COL5A3: variants seen among roughly 807,000 people sequenced by gnomAD.
COL5A3 encodes the protein collagen alpha-3(V) chain.
A neutral mutation model predicts 250.0 loss-of-function variants in COL5A3; 172 were observed. The ratio of observed to expected loss-of-function variants is 0.69; its 90% CI spans 0.61 to 0.78. The LOEUF is 0.78. Ranked by LOEUF, COL5A3 falls within the 30% of genes least tolerant of loss-of-function variation. COL5A3 has a pLI of 0.00. For missense variants in COL5A3, 2,340 were observed against 2,334.4 expected (o/e 1.00, Z -0.05); for synonymous variants, 937 against 900.4 (o/e 1.04, Z -0.73).
At position 10,004,115 on chromosome 19, in the gene COL5A3, C is replaced by A. The variant is rs748836815; in HGVS notation, c.625G>T (p.Asp209Tyr). ...GDIQELLISP[D>Y]PQAAFQACER... ...CAAGCCTGGAAGGCAGCCTGAGGAT[C>A]TGGGCTTATCAGCAGCTCCTGAATG... The change falls in exon 5 of 67, where the codon GAT (aspartate) becomes TAT (tyrosine). Residue 209 changes from aspartate to tyrosine, a missense_variant. By Grantham distance (160) the Asp-to-Tyr change is radical. Around this residue, in one of 3 missense-constraint regions of COL5A3, gnomAD observed 1,152 missense variants for 1,146.3 expected, o/e 1.00. Coordinates refer to ENST00000264828, the MANE Select transcript of COL5A3 (RefSeq NM_015719.4). The A allele has an allele frequency of 1.2e-6, 2 of 1,614,018 alleles. No homozygotes were observed. The highest frequency in any genetic ancestry group is 1.1e-5 in the South Asian group (1 of 91,084).
intron 31 of COL5A3, 82 bp downstream of exon 31, chr19:9,985,760 C>T: frequency 7.4e-7 from 1 of 1,349,290 alleles, no homozygotes; most frequent in South Asian, 1.2e-5. Context: ...GCTCATCCCC[C>T]AAGACCACAG....
intron 6 of COL5A3, 114 bp from the exon 7 acceptor site, chr19:10,001,995 G>T (rs2087370667): frequency 1.4e-6 from 1 of 712,398 alleles, no homozygotes; most frequent in East Asian, 2.6e-5. Context: ...GACAGAGGAG[G>T]CTCCCCAAAG....
At chr19:10,006,996 T>G (rs114889808) in intron 1 of COL5A3, among the ~76,000 whole-genome samples, 1 of 151,228 alleles carries the variant, frequency 6.6e-6, no homozygotes, top group Non-Finnish European at 1.5e-5. Context: ...ACCTCCTCCC[T>G]CTGAATGTCT....
At chr19:10,000,484 A>G (rs1181121240) in intron 8 of COL5A3, among the ~76,000 whole-genome samples, 2 of 74,148 alleles carry the variant, frequency 2.7e-5, no homozygotes, top group Non-Finnish European at 5.8e-5. Flanking sequence ...TTTTTTTTTA[A>G]GAGATGGGTC....
rs2087503185 is a variant in COL5A3, at chr19:10,009,943, CCCTGT to C, written c.88+350_88+354del. ...CGCAATACACACCGTCCCAGCACTGCCCTGTCACTCACAGTCACACTATCACCATC... is the reference window on the plus strand; with the variant it reads ...CGCAATACACACCGTCCCAGCACTGCCACTCACAGTCACACTATCACCATC... On this transcript the variant is annotated intron_variant, in intron 1 of 66. Coordinates refer to ENST00000264828, the MANE Select transcript of COL5A3 (RefSeq NM_015719.4). The surrounding 1 kb of genome is among the most constrained non-coding windows in gnomAD (Gnocchi z 4.4). Among the ~76,000 whole-genome samples the C allele has an allele frequency of 6.6e-6, 1 of 152,174 alleles. No homozygotes were observed. The highest frequency in any genetic ancestry group is 1.5e-5 in the Non-Finnish European group (1 of 68,042).
Position 10,010,457 on chromosome 19 carries a change from G to T in COL5A3, c.-72C>A, listed in dbSNP as rs1477257241. On this transcript the variant is annotated 5_prime_UTR_variant, in exon 1 of 67. Coordinates refer to ENST00000264828, the MANE Select transcript of COL5A3 (RefSeq NM_015719.4). ...CGGGGCGCGGCGACTTCTCGGGCTC[G>T]GTGCAGTCACTCGCGGCGGCCGCTC... 5.8e-6 allele frequency: 6 copies of T among 1,037,536 alleles called. No individual in the cohort carries two copies. The highest frequency in any genetic ancestry group is 3.4e-5 in the African/African-American group (2 of 59,564). 64.3% of individuals were successfully genotyped at this position (1,037,536 alleles called of 1,614,324 possible).
In COL5A3 at chr19:9,966,522, G is replaced by C. The variant is rs1050245430; in HGVS notation, c.4669+14C>G. 1 of 1,539,442 alleles carries C rather than the reference G, an allele frequency of 6.5e-7. No individual in the cohort carries two copies. Among genetic ancestry groups the C allele is most frequent in the African/African-American group, 1.4e-5 (1 of 73,008 alleles). ...CACTCCGCCCATCCAAGTGGCGGGG[G>C]GACCGGACCTCACCATCAGGCAGGT... On this transcript the variant is annotated intron_variant, in intron 63 of 66. Transcript: ENST00000264828.
At chr19:9,996,027 T>C (rs755980521) in intron 15 of COL5A3, 39 bp downstream of exon 15, 1 of 1,506,244 alleles carries the variant, frequency 6.6e-7, no homozygotes, top group Non-Finnish European at 8.9e-7. Flanking sequence ...GGGGGAAGGC[T>C]ATTCCCATCC....
chr19:9,991,587 C>T (rs545166851), intron 24 of COL5A3, 23 bp downstream of exon 24: 19 of 1,567,870 alleles, frequency 1.2e-5, no homozygotes, highest in African/African-American at 5.4e-5. Flanking sequence ...GAGGAGGTCG[C>T]GGTAGGTGGA....
At chr19:9,993,271 C>T (rs2087221302) in intron 19 of COL5A3, 109 bp downstream of exon 19, 8 of 1,295,862 alleles carry the variant, frequency 6.2e-6, no homozygotes, top group Non-Finnish European at 8.9e-6. Context: ...CACAATTTGT[C>T]CCTAGCTCTC....
rs2086796732 is a variant in COL5A3, at chr19:9,969,410, T to C, written c.4099-8A>G. 3 of 1,607,058 alleles carry C rather than the reference T, an allele frequency of 1.9e-6. No individual in the cohort carries two copies. Among genetic ancestry groups the C allele is most frequent in the East Asian group, 2.2e-5 (1 of 44,768 alleles). ...CAGGAGGCCTGGTTCACCCTGAGAA[T>C]GGAACAGAACATGGGGTGGGCTGCA... On this transcript the variant is annotated splice_region_variant and splice_polypyrimidine_tract_variant and intron_variant, in intron 56 of 66. Transcript: ENST00000264828.
chr19:9,968,926 C>A lies in COL5A3; in HGVS notation c.4153-198G>T. ...GAGGGGTTGACTGGAGGATGGACAA[C>A]GTGAGTGGTCAGTGGCCAAGGTCAG... is the stretch of plus-strand genomic sequence containing the variant. On this transcript the variant is annotated intron_variant, in intron 57 of 66. Transcript: ENST00000264828. The surrounding 1 kb of genome is among the most constrained non-coding windows in gnomAD (Gnocchi z 4.1). 1 of 638,136 alleles carries A rather than the reference C, an allele frequency of 1.6e-6. No homozygotes were observed. The highest frequency in any genetic ancestry group is 1.8e-5 in the South Asian group (1 of 54,530). The allele number at this position is 638,136 out of a possible 1,614,324, so 39.5% of individuals were successfully genotyped here. A position where few individuals can be genotyped will look rare whatever the true frequency, so the allele number is the denominator to read the frequency against.
chr19:9,970,669 G>T lies in COL5A3; in HGVS notation c.3889C>A (p.Pro1297Thr). The change falls in exon 54 of 67, where the codon CCT (proline) becomes ACT (threonine). Residue 1297 changes from proline (P) to threonine (T), a missense_variant. This residue lies in a region of COL5A3 where 1,179 missense variants were observed against 1,162.6 expected (regional missense o/e 1.01). Coordinates refer to ENST00000264828, the MANE Select transcript of COL5A3 (RefSeq NM_015719.4). ...DPGDVGGPGP[P>T]GASGEPGAPG... ...GCGCCGGGCTCCCCAGAAGCTCCAGGCGGACCCTGGAGGAGACAAGGACAC... is the reference window on the plus strand; with the variant it reads ...GCGCCGGGCTCCCCAGAAGCTCCAGTCGGACCCTGGAGGAGACAAGGACAC... The T allele has an allele frequency of 6.9e-7, 1 of 1,444,518 alleles. No individual in the cohort carries two copies. Among genetic ancestry groups the T allele is most frequent in the East Asian group, 2.6e-5 (1 of 37,976 alleles). 89.5% of individuals were successfully genotyped at this position (1,444,518 alleles called of 1,614,324 possible).
At position 10,004,120 on chromosome 19, in the gene COL5A3, C is replaced by T; in HGVS notation, c.620G>A (p.Ser207Asn). ...FEGDIQELLI[S>N]PDPQAAFQAC... Reference sequence around the variant, plus strand: ...CTGGAAGGCAGCCTGAGGATCTGGGCTTATCAGCAGCTCCTGAATGTCTCC... The same window carrying T: ...CTGGAAGGCAGCCTGAGGATCTGGGTTTATCAGCAGCTCCTGAATGTCTCC... Residue 207 changes from serine to asparagine, a missense_variant, in exon 5 of 67, where the codon AGC (serine) becomes AAC (asparagine). By Grantham distance (46) the Ser-to-Asn change is conservative. Coordinates refer to ENST00000264828, the MANE Select transcript of COL5A3 (RefSeq NM_015719.4). The T allele has an allele frequency of 6.2e-7, 1 of 1,613,928 alleles. No homozygotes were observed. Among genetic ancestry groups the T allele is most frequent in the African/African-American group, 1.3e-5 (1 of 75,004 alleles).
Position 9,993,667 on chromosome 19 carries a change from A to G in COL5A3, c.1647T>C (p.Asp549=), listed in dbSNP as rs374561543. 11 of 1,613,890 alleles carry G rather than the reference A, an allele frequency of 6.8e-6. No individual in the cohort carries two copies. Among genetic ancestry groups the G allele is most frequent in the Admixed American group, 1.7e-5 (1 of 59,976 alleles). Reference sequence around the variant, plus strand: ...GCCCAGGGAGGCCATCGAAGCCACGATCACCCTGTCCAGAGACACCAGTGA... The same window carrying G: ...GCCCAGGGAGGCCATCGAAGCCACGGTCACCCTGTCCAGAGACACCAGTGA... ...GLPGDTGPKG[D]RGFDGLPGLP... The change falls in exon 18 of 67, where the codon GAT becomes GAC. Residue 549 remains aspartate (D), a synonymous_variant. Transcript: ENST00000264828.
At position 9,986,697 on chromosome 19, in the gene COL5A3, G is replaced by A. The variant is rs763473374; in HGVS notation, c.2190+17C>T. On this transcript the variant is annotated intron_variant, in intron 28 of 66. Coordinates refer to ENST00000264828, the MANE Select transcript of COL5A3 (RefSeq NM_015719.4). ...ATTGGGACTCCCTCTCCTCTGATGA[G>A]TTCCTTCTCTCCTCACCTTCTCGCC... 1.9e-6 allele frequency: 3 copies of A among 1,613,718 alleles called. No individual in the cohort carries two copies. The highest frequency in any genetic ancestry group is 2.5e-6 in the Non-Finnish European group (3 of 1,179,966).
chr19:10,008,664 G>A (rs892287902), intron 1 of COL5A3, among the ~76,000 whole-genome samples: 1 of 152,188 alleles, frequency 6.6e-6, no homozygotes, highest in Non-Finnish European at 1.5e-5. Flanking sequence ...GAGACAGGCA[G>A]AGAATAGCTG....
intron 64 of COL5A3, among the ~76,000 whole-genome samples, chr19:9,964,689 A>G (rs1485400227): frequency 6.6e-6 from 1 of 151,824 alleles, no homozygotes; most frequent in African/African-American, 2.4e-5. Context: ...ACCTGCAGAT[A>G]GAGGTATTAG....
At chr19:9,979,929 A>G in intron 36 of COL5A3, 37 bp from the exon 37 acceptor site, 1 of 1,574,600 alleles carries the variant, frequency 6.4e-7, no homozygotes, top group Non-Finnish European at 8.6e-7. Flanking sequence ...GGGCACAGAT[A>G]CAGGGCTTCC....
Sources: allele counts gnomAD v4.1 joint callset (sites outside exome capture counted in the v4.1 genomes callset), GRCh38; gene constraint gnomAD v4.1.1; regional missense constraint gnomAD v4.1.1; non-coding constraint Gnocchi (gnomAD v3.1); transcripts MANE v1.5; gene names NCBI Gene and HGNC (gene_info 2026-07-23, HGNC 2026-07-21).